Variants in PPP1R13B observed in about 807,000 individuals in gnomAD.
PPP1R13B encodes the protein apoptosis-stimulating of p53 protein 1.
A neutral mutation model predicts 119.8 loss-of-function variants in PPP1R13B; 44 were observed. That is an observed-to-expected ratio of 0.37 (90% CI 0.29 to 0.47). PPP1R13B has a LOEUF of 0.47. PPP1R13B is among the 20% of genes least tolerant of loss of function. The pLI is 0.99. For synonymous variants in PPP1R13B, 542 were observed against 561.5 expected (o/e 0.97, Z 0.49); for missense variants, 1,227 against 1,413.5 (o/e 0.87, Z 2.12).
At chr14:103,737,951 G>C (rs2084155585) in intron 14 of PPP1R13B, 91 bp from the exon 15 acceptor site, 4 of 1,386,020 alleles carry the variant, frequency 2.9e-6, no homozygotes, top group Non-Finnish European at 3.8e-6. Context: ...GAATCTCGCG[G>C]AAGGCGTTCA....
intron 8 of PPP1R13B, chr14:103,746,783 G>T (rs1397904671): frequency 1.1e-5 from 4 of 380,018 alleles, no homozygotes; most frequent in Non-Finnish European, 1.9e-5. Context: ...CTGTACACAT[G>T]AGGAGCTGAT....
chr14:103,742,733 C>T lies in PPP1R13B; in HGVS notation c.1241G>A (p.Ser414Asn). 2 of 1,614,154 alleles carry T rather than the reference C, an allele frequency of 1.2e-6. No homozygotes were observed. The highest frequency in any genetic ancestry group is 1.7e-6 in the Non-Finnish European group (2 of 1,180,050). ...GCCCTGCTTGACAGACCCCTCCACG[C>T]TCGGATCCTTCCAGTCTGCACCGGC... ...QVAGADWKDP[S>N]VEGSVKQGTV... Residue 414 changes from serine to asparagine, a missense_variant, in exon 10 of 17, where the codon AGC becomes AAC. By Grantham distance (46) the Ser-to-Asn change is conservative (BLOSUM62 1). Coordinates refer to ENST00000202556, the MANE Select transcript of PPP1R13B (RefSeq NM_015316.3). The surrounding 1 kb of genome is among the most constrained non-coding windows in gnomAD (Gnocchi z 4.9).
At position 103,734,858 on chromosome 14, in the gene PPP1R13B, G is replaced by A. The variant is rs1243240767; in HGVS notation, c.*296C>T. The stretch of plus-strand genomic sequence containing the variant: ...TGTCTTCACTGGCAACCAACCGGGG[G>A]TTATGGGACTTCTTAATGGCAAGAG... On this transcript the variant is annotated 3_prime_UTR_variant, in exon 17 of 17. Coordinates refer to ENST00000202556, the MANE Select transcript of PPP1R13B (RefSeq NM_015316.3). 2 of 512,592 alleles carry A rather than the reference G, an allele frequency of 3.9e-6. No homozygotes were observed. The highest frequency in any genetic ancestry group is 3.8e-5 in the African/African-American group (2 of 52,428). The allele number at this position is 512,592 out of a possible 1,614,324, so 31.8% of individuals were successfully genotyped here. A position where few individuals can be genotyped will look rare whatever the true frequency, so the allele number is the denominator to read the frequency against.
chr14:103,785,302 C>T (rs1390138607), intron 2 of PPP1R13B, among the ~76,000 whole-genome samples: 1 of 152,180 alleles, frequency 6.6e-6, no homozygotes, highest in Non-Finnish European at 1.5e-5. Flanking sequence ...TCACCGCAAC[C>T]TCCGCTTCTG....
intron 4 of PPP1R13B, among the ~76,000 whole-genome samples, chr14:103,759,581 CAG>C (rs2084756898): frequency 6.6e-6 from 1 of 152,034 alleles, no homozygotes; most frequent in South Asian, 2.1e-4. Flanking sequence ...GCTGGGATTA[CAG>C]GTGTAAGCCA....
At chr14:103,799,673 ACAT>A (rs1039547059) in intron 1 of PPP1R13B, among the ~76,000 whole-genome samples, 1 of 151,478 alleles carries the variant, frequency 6.6e-6, no homozygotes, top group Admixed American at 6.6e-5. Context: ...GCATCTTAAG[ACAT>A]CATATTGGAA....
At chr14:103,781,269 T>C (rs2085329019) in intron 3 of PPP1R13B, among the ~76,000 whole-genome samples, 1 of 152,184 alleles carries the variant, frequency 6.6e-6, no homozygotes. Context: ...AATAAATCCT[T>C]AGCACTAAAG....
At chr14:103,791,490 G>A (rs917735064) in intron 2 of PPP1R13B, among the ~76,000 whole-genome samples, 2 of 152,218 alleles carry the variant, frequency 1.3e-5, no homozygotes, top group Non-Finnish European at 2.9e-5. Context: ...ACTTTGGGAG[G>A]CCAAGGCGGG....
intron 15 of PPP1R13B, chr14:103,736,445 CG>C (rs2084115088): frequency 3.4e-6 from 2 of 579,788 alleles, no homozygotes. Context: ...ACAGGACAAA[CG>C]AGCTCCTGAG....
At chr14:103,839,964 C>T (rs2086865576) in intron 1 of PPP1R13B, 1 of 152,196 alleles carries the variant, frequency 6.6e-6, no homozygotes, top group African/African-American at 2.4e-5. Context: ...ACTAATATTT[C>T]AAATGTCATA....
At chr14:103,821,068 T>C (rs1360820278) in intron 1 of PPP1R13B, among the ~76,000 whole-genome samples, 1 of 151,612 alleles carries the variant, frequency 6.6e-6, no homozygotes, top group Non-Finnish European at 1.5e-5. Context: ...ACCTAATCTA[T>C]CCAACACTCT....
rs1005150863 is a variant in PPP1R13B, at chr14:103,776,714, T to C, written c.354+2031A>G. Among the ~76,000 whole-genome samples the C allele has an allele frequency of 7.8e-4, 119 of 151,934 alleles. 1 individual carries two copies. The highest frequency in any genetic ancestry group is 2.6e-3 in the African/African-American group (106 of 41,498). ...GGTGAAACCCCATCTCTATTAAAAA[T>C]ACAAAAAATTAGCCGGGCGTGGCGG... On this transcript the variant is annotated intron_variant, in intron 4 of 16. Transcript: ENST00000202556.
At position 103,847,315 on chromosome 14, in the gene PPP1R13B, A is replaced by G; in HGVS notation, c.-8T>C. 2 of 967,218 alleles carry G rather than the reference A, an allele frequency of 2.1e-6. No homozygotes were observed. Among genetic ancestry groups the G allele is most frequent in the Non-Finnish European group, 2.7e-6 (2 of 752,308 alleles). 59.9% of individuals were successfully genotyped at this position (967,218 alleles called of 1,614,324 possible). On this transcript the variant is annotated 5_prime_UTR_variant, in exon 1 of 17. Transcript: ENST00000202556. ...CTCACCCACCGGCATCATCGCGGGG[A>G]GAGTCCGCGACGCCCTCGGCCGCCG...
At chr14:103,839,159 C>T (rs192989466) in intron 1 of PPP1R13B, among the ~76,000 whole-genome samples, 20 of 152,160 alleles carry the variant, frequency 1.3e-4, no homozygotes, top group African/African-American at 4.1e-4. Flanking sequence ...ATTACAGGCA[C>T]GTGCCACCAC....
Position 103,742,519 on chromosome 14 carries a change from G to C in PPP1R13B, c.1320+135C>G. ...CTCTTAGGGCCCAGTAACCCTCTAG[G>C]ACTTTGGGTGTTGTCTGGACAATAA... On this transcript the variant is annotated intron_variant, in intron 10 of 16. Coordinates refer to ENST00000202556, the MANE Select transcript of PPP1R13B (RefSeq NM_015316.3). The surrounding 1 kb of genome is among the most constrained non-coding windows in gnomAD (Gnocchi z 4.9). 1.5e-6 allele frequency: 2 copies of C among 1,335,072 alleles called. No individual in the cohort carries two copies. The highest frequency in any genetic ancestry group is 2.9e-5 in the African/African-American group (2 of 68,344). The allele number at this position is 1,335,072 out of a possible 1,614,324, so 82.7% of individuals were successfully genotyped here.
intron 3 of PPP1R13B, 117 bp downstream of exon 3, chr14:103,784,678 T>C (rs1220079167): frequency 3.3e-6 from 3 of 900,082 alleles, no homozygotes; most frequent in South Asian, 3.5e-5. Flanking sequence ...ACTTTCCCTC[T>C]AGCCACTTGT....
upstream of PPP1R13B, among the ~76,000 whole-genome samples, chr14:103,848,802 T>G (rs2087135239): frequency 6.6e-6 from 1 of 152,082 alleles, no homozygotes; most frequent in Admixed American, 6.5e-5. Context: ...CGGGGGCTCG[T>G]GTTTGCGAGT....
rs2084153082 is a variant in PPP1R13B, at chr14:103,737,876, G to A, written c.2865-16C>T. 1.9e-6 allele frequency: 3 copies of A among 1,610,070 alleles called. No homozygotes were observed. The highest frequency in any genetic ancestry group is 2.5e-6 in the Non-Finnish European group (3 of 1,178,210). ...CAGCGGCGTCCTGGAATAGAGCGTG[G>A]GTGAAGGTGCAGGCCTGGCACTGCC... On this transcript the variant is annotated splice_polypyrimidine_tract_variant and intron_variant, in intron 14 of 16. Transcript: ENST00000202556.
At chr14:103,807,037 C>T (rs1380876325) in intron 1 of PPP1R13B, among the ~76,000 whole-genome samples, 1 of 152,216 alleles carries the variant, frequency 6.6e-6, no homozygotes, top group Non-Finnish European at 1.5e-5. Flanking sequence ...CCCTGCAAGA[C>T]CTGCAACACA....
Sources: gnomAD v4.1 joint callset for allele counts (sites outside exome capture counted in the v4.1 genomes callset) on GRCh38, gnomAD v4.1.1 for gene constraint, Gnocchi (gnomAD v3.1) non-coding constraint, MANE v1.5 for transcripts, NCBI Gene and HGNC (gene_info 2026-07-23, HGNC 2026-07-21) for gene names.